The following RANBP2 variants were observed in gnomAD, a reference collection of about 807,000 sequenced individuals.
RANBP2 encodes E3 SUMO-protein ligase RanBP2.
In RANBP2, 57 loss-of-function variants were observed where a neutral mutation model predicts 303.6. The ratio of observed to expected loss-of-function variants is 0.19; its 90% CI spans 0.15 to 0.23. RANBP2 has a LOEUF of 0.23. RANBP2 is among the 10% of genes least tolerant of loss of function. The pLI is 1.00. For missense variants in RANBP2, 3,138 were observed against 3,780.8 expected (o/e 0.83, Z 4.46); for synonymous variants, 1,167 against 1,301.5 (o/e 0.90, Z 2.23).
the RANBP2 span, among the ~76,000 whole-genome samples, chr2:109,550,001 G>A: frequency 8.5e-5 from 13 of 152,190 alleles, no homozygotes; most frequent in African/African-American, 2.6e-4. Flanking sequence ...TTAAGGACAC[G>A]ACACATTCTC....
At chr2:109,352,917 C>T in the RANBP2 span, among the ~76,000 whole-genome samples, 1 of 152,274 alleles carries the variant, frequency 6.6e-6, no homozygotes, top group South Asian at 2.1e-4. Flanking sequence ...AAAGCTTGGG[C>T]TGTATCTGAA....
the RANBP2 span, among the ~76,000 whole-genome samples, chr2:109,553,692 A>G: frequency 6.6e-5 from 10 of 152,178 alleles, no homozygotes; most frequent in African/African-American, 2.4e-4. Flanking sequence ...GTCTCTACTA[A>G]AAATACAAAA....
At chr2:108,788,341 AC>A (rs1208511024), downstream of RANBP2, among the ~76,000 whole-genome samples, 5 of 151,466 alleles carry the variant, frequency 3.3e-5, no homozygotes, top group Non-Finnish European at 7.4e-5. Context: ...AATCGGTTGA[AC>A]CCGGGAGGCA....
chr2:109,182,273 A>G, the RANBP2 span, among the ~76,000 whole-genome samples: 1 of 152,214 alleles, frequency 6.6e-6, no homozygotes. Context: ...AAGGCATCGC[A>G]TGGTGAGATA....
chr2:109,525,624 C>T, the RANBP2 span, among the ~76,000 whole-genome samples: 7 of 152,208 alleles, frequency 4.6e-5, no homozygotes, highest in Admixed American at 4.6e-4. Context: ...AGGATGGAAA[C>T]ATTCCTGGAC....
the RANBP2 span, among the ~76,000 whole-genome samples, chr2:109,362,493 T>A: frequency 6.6e-6 from 1 of 152,224 alleles, no homozygotes; most frequent in African/African-American, 2.4e-5. Flanking sequence ...ATATGGTCTG[T>A]CCTGGTGAAT....
chr2:109,219,029 T>C, the RANBP2 span, among the ~76,000 whole-genome samples: 1 of 152,230 alleles, frequency 6.6e-6, no homozygotes, highest in South Asian at 2.1e-4. Context: ...TTGGCTGCAG[T>C]GCCATTTGGG....
At chr2:109,080,250 T>C in the RANBP2 span, among the ~76,000 whole-genome samples, 1 of 151,992 alleles carries the variant, frequency 6.6e-6, no homozygotes, top group Non-Finnish European at 1.5e-5. Context: ...GGGCGTGTTA[T>C]AGCTGAGAGG....
chr2:108,993,952 C>T, the RANBP2 span, among the ~76,000 whole-genome samples: 3 of 152,120 alleles, frequency 2.0e-5, no homozygotes, highest in African/African-American at 4.8e-5. Context: ...GGGGTGAGGC[C>T]GCTGTCTGGG....
At chr2:109,070,407 C>T in the RANBP2 span, among the ~76,000 whole-genome samples, 1 of 152,118 alleles carries the variant, frequency 6.6e-6, no homozygotes, top group Admixed American at 6.5e-5. Context: ...CGTTTGTCCT[C>T]TCCAAATCTC....
the RANBP2 span, among the ~76,000 whole-genome samples, chr2:109,137,451 C>T: frequency 6.6e-6 from 1 of 152,192 alleles, no homozygotes; most frequent in Non-Finnish European, 1.5e-5. Context: ...CTGGAAGTGC[C>T]ACATGCTCAG....
the RANBP2 span, among the ~76,000 whole-genome samples, chr2:109,008,898 C>CAA: frequency 1.6e-5 from 2 of 122,502 alleles, no homozygotes; most frequent in Non-Finnish European, 1.7e-5. Context: ...GATTCCATCT[C>CAA]AAAAAAAAAA....
At chr2:109,490,778 G>C in the RANBP2 span, 1 of 1,536,936 alleles carries the variant, frequency 6.5e-7, no homozygotes, top group Non-Finnish European at 8.7e-7. Context: ...GCAGGGCAGG[G>C]TCCTGCCCCA....
the RANBP2 span, chr2:108,876,106 T>C: frequency 6.3e-7 from 1 of 1,597,774 alleles, no homozygotes; most frequent in Non-Finnish European, 8.6e-7. Flanking sequence ...AGAAGCTCTT[T>C]GAACTTTTTA....
chr2:108,820,218 G>C, the RANBP2 span, among the ~76,000 whole-genome samples: 18 of 152,108 alleles, frequency 1.2e-4, no homozygotes, highest in African/African-American at 4.1e-4. Context: ...GACCAGCCTG[G>C]TCAACATGGT....
At chr2:109,214,079 G>T in the RANBP2 span, among the ~76,000 whole-genome samples, 1 of 152,200 alleles carries the variant, frequency 6.6e-6, no homozygotes, top group Non-Finnish European at 1.5e-5. Context: ...GTCACTGGAC[G>T]GCGAGGAGGA....
chr2:108,890,963 T>A, the RANBP2 span, among the ~76,000 whole-genome samples: 1 of 152,196 alleles, frequency 6.6e-6, no homozygotes, highest in Non-Finnish European at 1.5e-5. Flanking sequence ...AGCTTTCAAA[T>A]GTATTATATA....
the RANBP2 span, among the ~76,000 whole-genome samples, chr2:109,052,114 C>T: frequency 1.3e-5 from 2 of 152,138 alleles, no homozygotes; most frequent in African/African-American, 2.4e-5. Flanking sequence ...ACAAATGTAT[C>T]CAATAGGTAA....
the RANBP2 span, chr2:108,896,947 C>G: frequency 2.5e-6 from 4 of 1,613,296 alleles, no homozygotes; most frequent in Non-Finnish European, 3.4e-6. Context: ...TGGCACAACC[C>G]CCGCCCACTC....
Sources: allele counts gnomAD v4.1 joint callset (sites outside exome capture counted in the v4.1 genomes callset), GRCh38; gene constraint gnomAD v4.1.1; transcripts MANE v1.5; gene names NCBI Gene and HGNC (gene_info 2026-07-23, HGNC 2026-07-21).